Variants in LRCH1 observed in about 807,000 individuals in gnomAD.
LRCH1 encodes leucine-rich repeat and calponin homology domain-containing protein 1.
LRCH1 carries 23 observed loss-of-function variants against 94.9 expected under a neutral mutation model. The ratio of observed to expected loss-of-function variants is 0.24; its 90% confidence interval spans 0.17 to 0.34. The LOEUF (loss-of-function observed/expected upper bound fraction) is 0.34, where lower values mean the gene tolerates loss of function less well. LRCH1 is among the 10% of genes least tolerant of loss of function. LRCH1 has a pLI of 1.00. For synonymous variants in LRCH1, 364 were observed against 354.9 expected (o/e 1.03, Z -0.29); for missense variants, 790 against 945.9 (o/e 0.84, Z 2.16).
chr13:46,746,511 C>A (rs1023248876), downstream of LRCH1, among the ~76,000 whole-genome samples: 1 of 152,070 alleles, frequency 6.6e-6, no homozygotes, highest in African/African-American at 2.4e-5. Context: ...TTCATGACTC[C>A]GCTCCGTACT....
chr13:46,699,304 G>T (rs141632928), intron 9 of LRCH1, 32 bp from the exon 10 acceptor site: 1 of 1,591,132 alleles, frequency 6.3e-7, no homozygotes, highest in African/African-American at 1.3e-5. Flanking sequence ...GTAGCCAATG[G>T]TTTTCAGGAA....
intron 3 of LRCH1, among the ~76,000 whole-genome samples, chr13:46,676,213 A>G (rs1407329638): frequency 6.6e-6 from 1 of 151,272 alleles, no homozygotes; most frequent in Non-Finnish European, 1.5e-5. Flanking sequence ...GCAAGCCGAG[A>G]TTGCGCCACC....
At chr13:46,667,849 T>C (rs1483359648) in intron 2 of LRCH1, among the ~76,000 whole-genome samples, 2 of 152,220 alleles carry the variant, frequency 1.3e-5, no homozygotes, top group African/African-American at 4.8e-5. Flanking sequence ...AACCATCCAT[T>C]GTACCTATAC....
chr13:46,574,006 C>T (rs922654624), intron 1 of LRCH1, among the ~76,000 whole-genome samples: 32 of 150,430 alleles, frequency 2.1e-4, no homozygotes, highest in Admixed American at 2.0e-3. Context: ...CCACCATGCC[C>T]GGCTAATTTT....
chr13:46,618,963 T>C (rs922890309), intron 1 of LRCH1, among the ~76,000 whole-genome samples: 1 of 152,228 alleles, frequency 6.6e-6, no homozygotes, highest in South Asian at 2.1e-4. Context: ...TTTAGAGCGA[T>C]GGTGCCACAG....
chr13:46,747,688 A>C (rs942732549), downstream of LRCH1, among the ~76,000 whole-genome samples: 1 of 151,710 alleles, frequency 6.6e-6, no homozygotes, highest in African/African-American at 2.4e-5. Flanking sequence ...TTGATTTGTT[A>C]GTGTTTTTCC....
At chr13:46,650,367 T>C in intron 2 of LRCH1, 22 bp downstream of exon 2, 1 of 1,539,692 alleles carries the variant, frequency 6.5e-7, no homozygotes, top group Non-Finnish European at 8.8e-7. Flanking sequence ...ATAAAAGTTG[T>C]AATCAAATTC....
At chr13:46,738,222 G>A (rs1315071338) in intron 19 of LRCH1, among the ~76,000 whole-genome samples, 3 of 152,212 alleles carry the variant, frequency 2.0e-5, no homozygotes, top group Admixed American at 1.3e-4. Context: ...AGCTCAGAGT[G>A]CTGGAGGAAG....
chr13:46,572,410 A>G (rs1163200292), intron 1 of LRCH1, among the ~76,000 whole-genome samples: 5 of 152,244 alleles, frequency 3.3e-5, no homozygotes, highest in African/African-American at 1.2e-4. Context: ...CCTATTATAC[A>G]TATGGCATGG....
In LRCH1 at chr13:46,579,103, T is replaced by A. The variant is rs1434105050; in HGVS notation, c.307+25400T>A. Among the ~76,000 whole-genome samples, 2 of 152,208 alleles carry A rather than the reference T, an allele frequency of 1.3e-5. 1 individual carries two copies. The highest frequency in any genetic ancestry group is 6.3e-3 in the Middle Eastern group (2 of 316). On this transcript the variant is annotated intron_variant, in intron 1 of 19. Transcript: ENST00000389797. ...GGCTGCATTCTCAAGAATTTGTATGTAGCCCTTGGACTAAAAACAAAATAT... is the reference window on the plus strand; with the variant it reads ...GGCTGCATTCTCAAGAATTTGTATGAAGCCCTTGGACTAAAAACAAAATAT...
chr13:46,697,970 A>G (rs535907718), intron 9 of LRCH1, among the ~76,000 whole-genome samples: 44 of 152,372 alleles, frequency 2.9e-4, no homozygotes, highest in Admixed American at 1.1e-3. Context: ...GAAACCCAAC[A>G]AAACGAAGTA....
chr13:46,715,448 C>T, intron 15 of LRCH1, 112 bp from the exon 16 acceptor site: 4 of 643,080 alleles, frequency 6.2e-6, no homozygotes, highest in East Asian at 2.7e-5. Context: ...AAATGAAATC[C>T]ACTCTTCATT....
chr13:46,573,866 A>ATATATATATATATATATATT lies in LRCH1; in HGVS notation c.307+20164_307+20165insATATATATATATATATATTT. Among the ~76,000 whole-genome samples, 178 of 63,322 alleles carry ATATATATATATATATATATT rather than the reference A, an allele frequency of 2.8e-3. 1 individual carries two copies. Among genetic ancestry groups the ATATATATATATATATATATT allele is most frequent in the Non-Finnish European group, 3.2e-3 (100 of 31,550 alleles). The allele number at this position is 63,322 out of a possible 152,430, so 41.5% of individuals were successfully genotyped here. Reference sequence around the variant, plus strand: ...GTCAAATATATATATATATATATATATTTTTTTTTTTTTTGAGATGGAGTC... The same window carrying ATATATATATATATATATATT: ...GTCAAATATATATATATATATATATATATATATATATATATATATTTTTTTTTTTTTTTTGAGATGGAGTC... On this transcript the variant is annotated intron_variant, in intron 1 of 19. Coordinates refer to ENST00000389797, the MANE Select transcript of LRCH1 (RefSeq NM_001164211.2).
At chr13:46,741,536 C>A in intron 19 of LRCH1, 106 bp from the exon 20 acceptor site, 1 of 1,351,666 alleles carries the variant, frequency 7.4e-7, no homozygotes, top group Non-Finnish European at 1.1e-6. Flanking sequence ...GTTACTCCTG[C>A]CATTTGCTAG....
At chr13:46,652,355 C>A (rs1181221052) in intron 2 of LRCH1, among the ~76,000 whole-genome samples, 1 of 151,402 alleles carries the variant, frequency 6.6e-6, no homozygotes, top group Non-Finnish European at 1.5e-5. Flanking sequence ...GGATTACAGG[C>A]GTAAGCCACT....
exon 19 of LRCH1, chr13:46,752,836 G>A (rs1309144090): frequency 2.0e-5 from 3 of 151,806 alleles, no homozygotes; most frequent in Non-Finnish European, 4.4e-5. Flanking sequence ...TAATGTAAAT[G>A]GCTTCAGTCT....
Position 46,683,312 on chromosome 13 carries a change from C to T in LRCH1, c.685+1466C>T, listed in dbSNP as rs7998629. Among the ~76,000 whole-genome samples the T allele has an allele frequency of 4.0e-3, 615 of 152,236 alleles. 4 individuals are homozygous for T. Among genetic ancestry groups the T allele is most frequent in the African/African-American group, 0.012 (500 of 41,538 alleles). ...GCTTTATAGATGGGAGGTTCAAGTCCGCTTGCCATCTTTCACCTTTCTCAT... is the reference window on the plus strand; with the variant it reads ...GCTTTATAGATGGGAGGTTCAAGTCTGCTTGCCATCTTTCACCTTTCTCAT... On this transcript the variant is annotated intron_variant, in intron 4 of 19. Transcript: ENST00000389797.
chr13:46,741,507 T>C, intron 19 of LRCH1, 135 bp from the exon 20 acceptor site: 2 of 964,042 alleles, frequency 2.1e-6, no homozygotes, highest in Non-Finnish European at 3.3e-6. Flanking sequence ...GAAAGGGTCT[T>C]ACCTGCTTGA....
intron 1 of LRCH1, among the ~76,000 whole-genome samples, chr13:46,636,574 C>T (rs968073459): frequency 6.6e-6 from 1 of 152,144 alleles, no homozygotes; most frequent in Non-Finnish European, 1.5e-5. Flanking sequence ...TCTGGGTAAT[C>T]GTCCATTCTC....
Sources: allele counts gnomAD v4.1 joint callset (sites outside exome capture counted in the v4.1 genomes callset), GRCh38; gene constraint gnomAD v4.1.1; transcripts MANE v1.5; gene names NCBI Gene and HGNC (gene_info 2026-07-23, HGNC 2026-07-21).